Variants in SLC23A2 observed in about 807,000 individuals in gnomAD.
SLC23A2 encodes the protein solute carrier family 23 member 2.
SLC23A2 carries 36 observed loss-of-function variants against 73.3 expected under a neutral mutation model. The observed-to-expected ratio is 0.49, with a 90% CI of 0.38 to 0.65. The LOEUF is 0.65. Among genes scored for constraint, SLC23A2 ranks in the 30% least tolerant of loss-of-function variants. The pLI is 0.00. For missense variants in SLC23A2, 507 were observed against 841.6 expected, an observed-to-expected ratio of 0.60 and a Z score of 4.92; for synonymous variants, 343 against 327.3, an observed-to-expected ratio of 1.05 and a Z score of -0.52.
At chr20:4,873,170 G>A (rs2122801311) in intron 11 of SLC23A2, among the ~76,000 whole-genome samples, 1 of 152,234 alleles carries the variant, frequency 6.6e-6, no homozygotes, top group African/African-American at 2.4e-5. Context: ...TAAAATTCTT[G>A]GCTTCTCTCT....
chr20:4,859,436 T>C (rs1479819672), intron 15 of SLC23A2, 52 bp from the exon 16 acceptor site: 1 of 1,213,436 alleles, frequency 8.2e-7, no homozygotes, highest in African/African-American at 1.5e-5. Context: ...GCGGTGAGCC[T>C]GCCCTTGACT....
chr20:4,869,540 GACAC>G (rs11467759), intron 12 of SLC23A2: 166 of 166,362 alleles, frequency 1.0e-3, no homozygotes, highest in South Asian at 3.0e-3. Flanking sequence ...ATCTCCAAAT[GACAC>G]ACACACACAC....
At chr20:4,890,092 G>A (rs1931272572) in intron 6 of SLC23A2, among the ~76,000 whole-genome samples, 2 of 152,016 alleles carry the variant, frequency 1.3e-5, no homozygotes, top group African/African-American at 4.8e-5. Flanking sequence ...TATCTGCCCA[G>A]AACTAAACTG....
Position 4,984,272 on chromosome 20 carries a change from C to T in SLC23A2, c.-281-13353G>A, listed in dbSNP as rs556317964. 1.1e-4 allele frequency among the ~76,000 whole-genome samples: 17 copies of T among 151,348 alleles called. No homozygotes were observed. The South Asian group carries it at 3.4e-3, about 30-fold the overall frequency. On this transcript the variant is annotated intron_variant, in intron 1 of 16. Coordinates refer to ENST00000338244, the MANE Select transcript of SLC23A2 (RefSeq NM_005116.6). ...TGGGCAACATAGCAAGACCCAGTCT[C>T]GGCCGGGTGCAGTGGCTCACGCCTG... is the stretch of plus-strand genomic sequence containing the variant.
At chr20:4,889,670 T>C (rs1931247506) in intron 6 of SLC23A2, among the ~76,000 whole-genome samples, 1 of 151,864 alleles carries the variant, frequency 6.6e-6, no homozygotes, top group Admixed American at 6.6e-5. Context: ...TGCTGCTGTC[T>C]GTGCTGGTGC....
intron 6 of SLC23A2, among the ~76,000 whole-genome samples, chr20:4,893,009 G>A (rs1263732437): frequency 6.6e-6 from 1 of 151,986 alleles, no homozygotes; most frequent in Non-Finnish European, 1.5e-5. Flanking sequence ...TGATACACAA[G>A]AGACACCGTC....
At chr20:4,943,176 A>C (rs901925394) in intron 2 of SLC23A2, among the ~76,000 whole-genome samples, 6 of 151,992 alleles carry the variant, frequency 3.9e-5, no homozygotes, top group Non-Finnish European at 8.8e-5. Context: ...TGTTCCATAA[A>C]TGCTAATGAA....
Position 4,899,523 on chromosome 20 carries a change from T to A in SLC23A2, c.482+32A>T. ...TCTGCGCTCAATGCCTTCTGGGGGC[T>A]TTGGCATCCCCCATTAGTACCCCAA... On this transcript the variant is annotated intron_variant, in intron 6 of 16. Transcript: ENST00000338244. The surrounding 1 kb of genome is among the most constrained non-coding windows in gnomAD (Gnocchi z 4.9). 6.2e-7 allele frequency: 1 copy of A among 1,609,704 alleles called. No homozygotes were observed. The highest frequency in any genetic ancestry group is 8.5e-7 in the Non-Finnish European group (1 of 1,176,998).
intron 2 of SLC23A2, among the ~76,000 whole-genome samples, chr20:4,954,409 C>G (rs1568640428): frequency 6.6e-6 from 1 of 151,998 alleles, no homozygotes; most frequent in Non-Finnish European, 1.5e-5. Context: ...AAAAAAGGAA[C>G]ATTTCAGCTG....
At position 4,857,541 on chromosome 20, in the gene SLC23A2, A is replaced by T. The variant is rs1452349711; in HGVS notation, c.1721-337T>A. Reference sequence around the variant, plus strand: ...AATTTTCACTGTTAGGGCCCAGCTCAGGCCATGTTATTGCTTTCCTGGTTC... The same window carrying T: ...AATTTTCACTGTTAGGGCCCAGCTCTGGCCATGTTATTGCTTTCCTGGTTC... On this transcript the variant is annotated intron_variant, in intron 16 of 16. Coordinates refer to ENST00000338244, the MANE Select transcript of SLC23A2 (RefSeq NM_005116.6). This position sits in a 1 kb window ranked among gnomAD's most constrained non-coding sequence, Gnocchi z 4.0. Among the ~76,000 whole-genome samples the T allele has an allele frequency of 6.6e-6, 1 of 152,112 alleles. No individual in the cohort carries two copies. Among genetic ancestry groups the T allele is most frequent in the East Asian group, 1.9e-4 (1 of 5,192 alleles).
At chr20:4,931,690 G>C (rs1337288794) in intron 3 of SLC23A2, among the ~76,000 whole-genome samples, 1 of 151,970 alleles carries the variant, frequency 6.6e-6, no homozygotes. Flanking sequence ...GATAGTTCAA[G>C]CCTGGGAAGT....
chr20:4,950,369 A>T (rs1037947449), intron 2 of SLC23A2, among the ~76,000 whole-genome samples: 32 of 152,160 alleles, frequency 2.1e-4, no homozygotes, highest in African/African-American at 7.5e-4. Flanking sequence ...AAGCTCAAAA[A>T]ATTTCAGATC....
intron 2 of SLC23A2, among the ~76,000 whole-genome samples, chr20:4,967,502 T>A (rs2087491868): frequency 6.6e-6 from 1 of 152,234 alleles, no homozygotes; most frequent in Non-Finnish European, 1.5e-5. Flanking sequence ...GTAATCACCA[T>A]CAGTGTTTAC....
chr20:4,961,243 A>G (rs926772709), intron 2 of SLC23A2, among the ~76,000 whole-genome samples: 35 of 151,500 alleles, frequency 2.3e-4, no homozygotes, highest in African/African-American at 5.3e-4. Flanking sequence ...CACCATGCCC[A>G]GCTAATTTTT....
chr20:5,008,238 T>A (rs1568667484), intron 1 of SLC23A2, among the ~76,000 whole-genome samples: 1 of 152,116 alleles, frequency 6.6e-6, no homozygotes, highest in Admixed American at 6.6e-5. Flanking sequence ...CACTTTTAAG[T>A]GTACCACTCA....
At chr20:4,895,313 G>T (rs1000101431) in intron 6 of SLC23A2, among the ~76,000 whole-genome samples, 1 of 152,178 alleles carries the variant, frequency 6.6e-6, no homozygotes, top group Non-Finnish European at 1.5e-5. Context: ...CTGCACGCCC[G>T]GCTGCATCTG....
In SLC23A2 at chr20:4,928,373, C is replaced by T. The variant is rs192658483; in HGVS notation, c.108+4082G>A. 5.6e-3 allele frequency among the ~76,000 whole-genome samples: 852 copies of T among 152,254 alleles called. 3 individuals carry two copies. The highest frequency in any genetic ancestry group is 8.7e-3 in the Non-Finnish European group (591 of 67,994). On this transcript the variant is annotated intron_variant, in intron 3 of 16. Transcript: ENST00000338244. ...TGTTTTCTAACAAAACTATCCACAACCCAAAACTCCATCCCACAAACTATT... is the reference window on the plus strand; with the variant it reads ...TGTTTTCTAACAAAACTATCCACAATCCAAAACTCCATCCCACAAACTATT...
rs1441534696 is a variant in SLC23A2, at chr20:4,856,373, C to G, written c.*599G>C. 6.6e-6 allele frequency: 1 copy of G among 152,308 alleles called. No homozygotes were observed. The highest frequency in any genetic ancestry group is 1.5e-5 in the Non-Finnish European group (1 of 68,100). The allele number at this position is 152,308 out of a possible 1,614,324, so 9.4% of individuals were successfully genotyped here. ...CCCCAAACAGATGTTCATTCAACAT[C>G]TGTGCAGGCCTCACCCATGGCCAGA... On this transcript the variant is annotated 3_prime_UTR_variant, in exon 17 of 17. Coordinates refer to ENST00000338244, the MANE Select transcript of SLC23A2 (RefSeq NM_005116.6). The surrounding 1 kb of genome is among the most constrained non-coding windows in gnomAD (Gnocchi z 4.6).
intron 2 of SLC23A2, among the ~76,000 whole-genome samples, chr20:4,969,802 T>C (rs1359526422): frequency 6.6e-6 from 1 of 152,144 alleles, no homozygotes; most frequent in Non-Finnish European, 1.5e-5. Context: ...GCGGCTTTTC[T>C]GAAGGATAAT....
Sources: allele counts gnomAD v4.1 joint callset (sites outside exome capture counted in the v4.1 genomes callset), GRCh38; gene constraint gnomAD v4.1.1; non-coding constraint Gnocchi (gnomAD v3.1); transcripts MANE v1.5; gene names NCBI Gene and HGNC (gene_info 2026-07-23, HGNC 2026-07-21).